BMERB1: variants seen among roughly 807,000 people sequenced by gnomAD.
BMERB1 encodes the protein bMERB domain containing 1, also known as bMERB domain-containing protein 1.
BMERB1 carries 12 observed loss-of-function variants against 23.6 expected under a neutral mutation model. The ratio of observed to expected loss-of-function variants is 0.51; its 90% CI spans 0.33 to 0.82. The LOEUF (loss-of-function observed/expected upper bound fraction) is 0.82, where lower values mean the gene tolerates loss of function less well. BMERB1 is among the 40% of genes least tolerant of loss of function. The pLI is 0.03. For missense variants in BMERB1, 247 were observed against 255.4 expected (o/e 0.97, Z 0.22); for synonymous variants, 122 against 96.6 (o/e 1.26, Z -1.54).
intron 2 of BMERB1, among the ~76,000 whole-genome samples, chr16:15,525,068 G>A (rs192208786): frequency 1.3e-5 from 2 of 152,346 alleles, no homozygotes; most frequent in East Asian, 3.9e-4. Flanking sequence ...GTGTCTGCAA[G>A]AGCATTGGTG....
At chr16:15,500,447 C>T (rs1053616483) in intron 1 of BMERB1, among the ~76,000 whole-genome samples, 2 of 152,096 alleles carry the variant, frequency 1.3e-5, no homozygotes, top group African/African-American at 4.8e-5. Flanking sequence ...GAGGGTCCAT[C>T]AGAAGTCCTT....
intron 1 of BMERB1, among the ~76,000 whole-genome samples, chr16:15,501,135 CTTTT>C (rs1038015734): frequency 6.6e-6 from 1 of 151,766 alleles, no homozygotes; most frequent in Non-Finnish European, 1.5e-5. Flanking sequence ...TCGCCCATTT[CTTTT>C]TATCTTTTTT....
chr16:15,531,364 G>A (rs947676983), intron 2 of BMERB1, among the ~76,000 whole-genome samples: 4 of 152,130 alleles, frequency 2.6e-5, no homozygotes, highest in Non-Finnish European at 5.9e-5. Flanking sequence ...AAAGTCCTAG[G>A]ATTAGAAGCA....
At chr16:15,502,118 A>G (rs1036963545) in intron 1 of BMERB1, 17 of 642,940 alleles carry the variant, frequency 2.6e-5, no homozygotes, top group African/African-American at 2.4e-4. Context: ...CCATCTACTC[A>G]TGTCTGCTTG....
At chr16:15,502,772 G>C (rs1260851348) in intron 1 of BMERB1, among the ~76,000 whole-genome samples, 1 of 152,050 alleles carries the variant, frequency 6.6e-6, no homozygotes, top group African/African-American at 2.4e-5. Flanking sequence ...GCTGGAGGGG[G>C]CCCCCTCTAG....
intron 3 of BMERB1, among the ~76,000 whole-genome samples, chr16:15,575,099 A>T (rs1040500422): frequency 6.6e-6 from 1 of 152,038 alleles, no homozygotes; most frequent in Non-Finnish European, 1.5e-5. Context: ...ATAAATAAAA[A>T]TAATAAAAAT....
intron 2 of BMERB1, among the ~76,000 whole-genome samples, chr16:15,518,810 G>C (rs1231398726): frequency 6.6e-6 from 1 of 151,564 alleles, no homozygotes. Context: ...TGGGAGAGAA[G>C]GGAGGGGGAG....
In BMERB1 at chr16:15,477,712, G is replaced by GTT. The variant is rs555987464; in HGVS notation, c.107-37583_107-37582dup. Among the ~76,000 whole-genome samples, 496 of 146,718 alleles carry GTT rather than the reference G, an allele frequency of 3.4e-3. 3 individuals are homozygous for GTT. The highest frequency in any genetic ancestry group is 0.012 in the African/African-American group (473 of 40,256). On this transcript the variant is annotated intron_variant, in intron 1 of 5. Transcript: ENST00000300006. ...CAGGGGAACTGGCTTTTCTTAGAGC[G>GTT]TTTTTTTTTTTCTGTGCTTGGTAGT...
chr16:15,477,219 A>G (rs766815395), intron 1 of BMERB1, among the ~76,000 whole-genome samples: 1 of 152,156 alleles, frequency 6.6e-6, no homozygotes. Flanking sequence ...GCACCTCTTC[A>G]TAGGGCGGCA....
At chr16:15,483,988 G>A (rs560341192) in intron 1 of BMERB1, among the ~76,000 whole-genome samples, 13 of 152,184 alleles carry the variant, frequency 8.5e-5, no homozygotes, top group Non-Finnish European at 1.6e-4. Context: ...CTGGTGAGGG[G>A]CCCAAGAATC....
chr16:15,576,347 G>A (rs554985807), intron 3 of BMERB1, among the ~76,000 whole-genome samples: 4 of 152,130 alleles, frequency 2.6e-5, no homozygotes, highest in Admixed American at 6.6e-5. Flanking sequence ...GCGCCTAGCC[G>A]AGCATTGGCA....
At chr16:15,568,565 G>A (rs2030641616) in intron 3 of BMERB1, among the ~76,000 whole-genome samples, 1 of 152,110 alleles carries the variant, frequency 6.6e-6, no homozygotes, top group Non-Finnish European at 1.5e-5. Flanking sequence ...TTGAGCTTGG[G>A]AGGTGGAGGT....
intron 1 of BMERB1, among the ~76,000 whole-genome samples, chr16:15,445,251 A>G (rs947913654): frequency 6.6e-6 from 1 of 152,188 alleles, no homozygotes; most frequent in Non-Finnish European, 1.5e-5. Flanking sequence ...AATAGTATCT[A>G]CTTAGGATAG....
At chr16:15,437,359 A>ATG (rs2050897235) in intron 1 of BMERB1, among the ~76,000 whole-genome samples, 1 of 152,168 alleles carries the variant, frequency 6.6e-6, no homozygotes, top group African/African-American at 2.4e-5. Flanking sequence ...AATAGAGATT[A>ATG]TGTCTTTATT....
At chr16:15,538,727 C>T (rs972384744) in intron 2 of BMERB1, among the ~76,000 whole-genome samples, 2 of 152,188 alleles carry the variant, frequency 1.3e-5, no homozygotes, top group Admixed American at 6.5e-5. Context: ...GCCCTCTCAC[C>T]ATCTGTTGTC....
intron 1 of BMERB1, among the ~76,000 whole-genome samples, chr16:15,469,902 T>A: frequency 6.6e-6 from 1 of 152,220 alleles, no homozygotes; most frequent in East Asian, 1.9e-4. Context: ...ATTGGAGATC[T>A]ACGTAGACAC....
intron 1 of BMERB1, among the ~76,000 whole-genome samples, chr16:15,514,393 G>A (rs545039306): frequency 2.6e-5 from 4 of 152,316 alleles, no homozygotes; most frequent in East Asian, 1.9e-4. Context: ...CAAAGTGGTC[G>A]TGGTCAGGGG....
At chr16:15,458,137 C>G (rs1419382997) in intron 1 of BMERB1, among the ~76,000 whole-genome samples, 1 of 152,180 alleles carries the variant, frequency 6.6e-6, no homozygotes, top group Non-Finnish European at 1.5e-5. Context: ...GACTTCTTAC[C>G]TTCTCAGAAG....
intron 2 of BMERB1, among the ~76,000 whole-genome samples, chr16:15,549,251 A>G (rs919976316): frequency 6.6e-6 from 1 of 151,344 alleles, no homozygotes; most frequent in African/African-American, 2.4e-5. Context: ...AGCCAGAGGA[A>G]TTGCTTGAAC....
Sources: gnomAD v4.1 joint callset for allele counts (sites outside exome capture counted in the v4.1 genomes callset) on GRCh38, gnomAD v4.1.1 for gene constraint, MANE v1.5 for transcripts, NCBI Gene and HGNC (gene_info 2026-07-23, HGNC 2026-07-21) for gene names.